Variants in GGCX observed in about 807,000 individuals in gnomAD.
GGCX encodes gamma-glutamyl carboxylase, also known as vitamin K-dependent gamma-carboxylase.
Under a neutral mutation model 88.5 loss-of-function variants are expected in GGCX, and 63 were observed. The observed-to-expected ratio is 0.71, with a 90% CI of 0.58 to 0.88. The LOEUF (loss-of-function observed/expected upper bound fraction) is 0.88. Ranked by LOEUF, GGCX falls within the 40% of genes least tolerant of loss-of-function variation. The probability of loss-of-function intolerance (pLI) is 0.00; values close to 1 mark genes in which losing one functional copy is unlikely to be tolerated. For synonymous variants in GGCX, 368 were observed against 365.8 expected, an observed-to-expected ratio of 1.01 and a Z score of -0.07; for missense variants, 805 against 932.9, an observed-to-expected ratio of 0.86 and a Z score of 1.79.
chr2:85,558,701 A>G, intron 3 of GGCX, 96 bp from the exon 4 acceptor site: 1 of 1,024,116 alleles, frequency 9.8e-7, no homozygotes, highest in Non-Finnish European at 1.6e-6. Context: ...AAAATCAAGC[A>G]TTGTATAATC....
chr2:85,548,700 C>T lies in GGCX; in HGVS notation c.*1234G>A, dbSNP rs776278682. 1 of 152,188 alleles carries T rather than the reference C, an allele frequency of 6.6e-6. No homozygotes were observed. Among genetic ancestry groups the T allele is most frequent in the African/African-American group, 2.4e-5 (1 of 41,444 alleles). The allele number at this position is 152,188 out of a possible 1,614,324, so 9.4% of individuals were successfully genotyped here. On this transcript the variant is annotated 3_prime_UTR_variant, in exon 15 of 15. Coordinates refer to ENST00000233838, the MANE Select transcript of GGCX (RefSeq NM_000821.7). The stretch of plus-strand genomic sequence containing the variant: ...CCAAAGCAGGGATCCTTTTTCATAA[C>T]CCTGCATTCTCGCTTCCTAGCTCAG...
chr2:85,550,208 G>C, intron 14 of GGCX, 82 bp from the exon 15 acceptor site: 2 of 982,234 alleles, frequency 2.0e-6, no homozygotes, highest in Admixed American at 3.6e-5. Flanking sequence ...GAAGGCACCT[G>C]GTCCTCACTC....
chr2:85,560,943 C>G lies in GGCX; in HGVS notation c.86G>C (p.Arg29Thr). 6.2e-7 allele frequency: 1 copy of G among 1,614,050 alleles called. No individual in the cohort carries two copies. ...KDKAELISGPRQDSRIGKLLG... is the reference protein window; with the variant it reads ...KDKAELISGPTQDSRIGKLLG... The stretch of plus-strand genomic sequence containing the variant: ...GAGTTTCCCTATTCGGCTGTCCTGC[C>G]TGGGCCCTGAGATCAGTTCAGCCTT... The change falls in exon 2 of 15, where the codon AGG becomes ACG. Residue 29 changes from arginine to threonine, a missense_variant. By Grantham distance (71) the Arg-to-Thr change is moderately conservative. This residue lies in a region of GGCX where 64 missense variants were observed against 57.4 expected (regional missense o/e 1.12). Coordinates refer to ENST00000233838, the MANE Select transcript of GGCX (RefSeq NM_000821.7).
intron 2 of GGCX, among the ~76,000 whole-genome samples, chr2:85,560,475 C>T (rs1692385878): frequency 1.3e-5 from 2 of 151,872 alleles, no homozygotes; most frequent in East Asian, 3.9e-4. Flanking sequence ...TGGTGGTGGG[C>T]GCCTGTAATC....
chr2:85,549,517 C>T lies in GGCX; in HGVS notation c.*417G>A, dbSNP rs768419574. ...GTTGGATTACAGGCACCCACCACCA[C>T]GTCTGGCTAATTTTTGTATTTTTAG... On this transcript the variant is annotated 3_prime_UTR_variant, in exon 15 of 15. Coordinates refer to ENST00000233838, the MANE Select transcript of GGCX (RefSeq NM_000821.7). The T allele has an allele frequency of 4.6e-4, 103 of 221,518 alleles. No homozygotes were observed. The highest frequency in any genetic ancestry group is 7.4e-4 in the Non-Finnish European group (81 of 109,374). 13.7% of individuals were successfully genotyped at this position (221,518 alleles called of 1,614,324 possible).
rs1311300286 is a variant in GGCX at position 85,548,449 on chromosome 2, G to C, written c.*1485C>G. 6.6e-6 allele frequency: 1 copy of C among 152,166 alleles called. No individual in the cohort carries two copies. Among genetic ancestry groups the C allele is most frequent in the East Asian group, 1.9e-4 (1 of 5,196 alleles). 9.4% of individuals were successfully genotyped at this position (152,166 alleles called of 1,614,324 possible). A position where few individuals can be genotyped will look rare whatever the true frequency, so the allele number is the denominator to read the frequency against. ...GGTGGAACTTAGACCTATACGTCTAGGGCACAGGAAAGAAACCTAGCATCG... is the reference window on the plus strand; with the variant it reads ...GGTGGAACTTAGACCTATACGTCTACGGCACAGGAAAGAAACCTAGCATCG... On this transcript the variant is annotated 3_prime_UTR_variant, in exon 15 of 15. Coordinates refer to ENST00000233838, the MANE Select transcript of GGCX (RefSeq NM_000821.7).
intron 13 of GGCX, 47 bp from the exon 14 acceptor site, chr2:85,550,797 T>A: frequency 6.3e-7 from 1 of 1,595,852 alleles, no homozygotes; most frequent in Non-Finnish European, 8.6e-7. Flanking sequence ...TGGATCACTC[T>A]CTCCCCTTAG....
chr2:85,552,717 T>C (rs1692015265), intron 9 of GGCX, 150 bp from the exon 10 acceptor site: 2 of 984,660 alleles, frequency 2.0e-6, no homozygotes, highest in Non-Finnish European at 3.3e-6. Flanking sequence ...TTTTTCATTG[T>C]TGGGCTAGTG....
chr2:85,561,289 C>CCCCCA, intron 1 of GGCX, 97 bp downstream of exon 1: 2 of 623,270 alleles, frequency 3.2e-6, no homozygotes, highest in South Asian at 1.9e-5. Flanking sequence ...ACCCCCCCCC[C>CCCCCA]GCCTCACCGG....
chr2:85,552,375 C>CT, intron 10 of GGCX, 41 bp downstream of exon 10: 1 of 1,591,074 alleles, frequency 6.3e-7, no homozygotes, highest in Admixed American at 1.7e-5. Flanking sequence ...GTAAAAAGAA[C>CT]TGTGCTTCAT....
chr2:85,551,941 A>C lies in GGCX; in HGVS notation c.1480T>G (p.Ser494Ala), dbSNP rs1691973501. ...ACCCAGGATGTGCGCTGAAAGGGTG[A>C]CCAAGCGGCCTGCACGATGTCCACA... is the stretch of plus-strand genomic sequence containing the variant. ...PRVDIVQAAW[S>A]PFQRTSWVQP... The change falls in exon 11 of 15, where the codon TCA becomes GCA. Residue 494 changes from serine to alanine, a missense_variant. Coordinates refer to ENST00000233838, the MANE Select transcript of GGCX (RefSeq NM_000821.7). The C allele has an allele frequency of 1.9e-6, 3 of 1,613,922 alleles. No individual in the cohort carries two copies. The highest frequency in any genetic ancestry group is 1.7e-5 in the Admixed American group (1 of 59,998).
At chr2:85,558,415 C>T in intron 4 of GGCX, 25 bp downstream of exon 4, 1 of 1,605,624 alleles carries the variant, frequency 6.2e-7, no homozygotes, top group Middle Eastern at 1.7e-4. Context: ...GCCAACCCCT[C>T]CCCTTTGTCC....
chr2:85,558,917 C>G lies in GGCX; in HGVS notation c.373G>C (p.Gly125Arg). The change falls in exon 3 of 15, where the codon GGG (glycine) becomes CGG (arginine). Residue 125 changes from glycine to arginine, a missense_variant and splice_region_variant. By Grantham distance (125) the Gly-to-Arg change is moderately radical. Around this residue, in one of 3 missense-constraint regions of GGCX, gnomAD observed 61 missense variants for 111.9 expected, o/e 0.54. Transcript: ENST00000233838. ...MYLVYTIMFL[G>R]ALGMMLGLCY... Reference sequence around the variant, plus strand: ...CAATATTTCCCACAGTTCCCCTCACCCAGAAACATGATGGTGTAGACAAGA... The same window carrying G: ...CAATATTTCCCACAGTTCCCCTCACGCAGAAACATGATGGTGTAGACAAGA... 5 of 1,613,526 alleles carry G rather than the reference C, an allele frequency of 3.1e-6. No homozygotes were observed. The highest frequency in any genetic ancestry group is 4.2e-6 in the Non-Finnish European group (5 of 1,179,466).
intron 14 of GGCX, 125 bp from the exon 15 acceptor site, chr2:85,550,251 C>T: frequency 1.3e-6 from 1 of 743,718 alleles, no homozygotes; most frequent in South Asian, 1.5e-5. Context: ...AATCTCCCCC[C>T]AAGTGACCCT....
intron 4 of GGCX, 78 bp downstream of exon 4, chr2:85,558,362 A>G: frequency 8.1e-7 from 1 of 1,232,012 alleles, no homozygotes; most frequent in South Asian, 1.2e-5. Flanking sequence ...GAAAAATTCC[A>G]GAACCTCACT....
chr2:85,561,101 T>A, intron 1 of GGCX, 116 bp from the exon 2 acceptor site: 2 of 885,834 alleles, frequency 2.3e-6, no homozygotes, highest in Non-Finnish European at 3.8e-6. Context: ...TCAATGAGGT[T>A]GCCTCAATGA....
rs750553400 is a variant in GGCX at position 85,560,826 on chromosome 2, C to A, written c.203G>T (p.Arg68Leu). ...PTDPASLAVF[R>L]FLFGFLMVLD... ...TAAACTGGACTCACCAAAAAGAAAA[C>A]GAAAGACAGCTAAGCTTGCAGGGTC... Residue 68 changes from arginine (R) to leucine (L), a missense_variant, in exon 2 of 15, where the codon CGT (arginine) becomes CTT (leucine). By Grantham distance (102) the Arg-to-Leu change is moderately radical. Around this residue, in one of 3 missense-constraint regions of GGCX, gnomAD observed 61 missense variants for 111.9 expected, o/e 0.54. Coordinates refer to ENST00000233838, the MANE Select transcript of GGCX (RefSeq NM_000821.7). 3.1e-6 allele frequency: 5 copies of A among 1,613,792 alleles called. No homozygotes were observed. The highest frequency in any genetic ancestry group is 8.5e-7 in the Non-Finnish European group (1 of 1,179,840).
chr2:85,548,506 A>T lies in GGCX; in HGVS notation c.*1428T>A, dbSNP rs1691778145. On this transcript the variant is annotated 3_prime_UTR_variant, in exon 15 of 15. Transcript: ENST00000233838. ...ATCCTGGAGTAGACACAATCATCTG[A>T]AGTATGTATACTGAAAAAGCAGTTG... is the stretch of plus-strand genomic sequence containing the variant. 2 of 152,218 alleles carry T rather than the reference A, an allele frequency of 1.3e-5. No homozygotes were observed. Among genetic ancestry groups the T allele is most frequent in the African/African-American group, 4.8e-5 (2 of 41,426 alleles). The allele number at this position is 152,218 out of a possible 1,614,324, so 9.4% of individuals were successfully genotyped here. A position where few individuals can be genotyped will look rare whatever the true frequency, so the allele number is the denominator to read the frequency against.
Position 85,554,141 on chromosome 2 carries a change from A to C in GGCX, c.889+2T>G. On this transcript the variant is annotated splice_donor_variant, in intron 7 of 14. Coordinates refer to ENST00000233838, the MANE Select transcript of GGCX (RefSeq NM_000821.7). LOFTEE classifies it high-confidence loss of function. Reference sequence around the variant, plus strand: ...GTTTCCTCCCAGGCTACAGGTACTGACCAATGCTGAAAAGCTGGGAATTCA... The same window carrying C: ...GTTTCCTCCCAGGCTACAGGTACTGCCCAATGCTGAAAAGCTGGGAATTCA... 1 of 1,610,228 alleles carries C rather than the reference A, an allele frequency of 6.2e-7. No homozygotes were observed. The highest frequency in any genetic ancestry group is 8.5e-7 in the Non-Finnish European group (1 of 1,176,450).
Sources: gnomAD v4.1 joint callset for allele counts (sites outside exome capture counted in the v4.1 genomes callset) on GRCh38, gnomAD v4.1.1 for gene constraint, gnomAD v4.1.1 regional missense constraint, MANE v1.5 for transcripts, NCBI Gene and HGNC (gene_info 2026-07-23, HGNC 2026-07-21) for gene names.